CCL13: variants seen among roughly 807,000 people sequenced by gnomAD.
The protein encoded by CCL13 is C-C motif chemokine 13.
In CCL13, 5 loss-of-function variants were observed where a neutral mutation model predicts 6.6. The observed-to-expected ratio is 0.76, with a 90% confidence interval of 0.40 to 1.60. CCL13 has a LOEUF of 1.60. CCL13 is among the 40% of genes most tolerant of loss of function. The pLI, the probability that CCL13 is intolerant of heterozygous loss-of-function variation, is 0.02. For missense variants in CCL13, 117 were observed against 114.2 expected, an observed-to-expected ratio of 1.02 and a Z score of -0.11; for synonymous variants, 39 against 43.0, an observed-to-expected ratio of 0.91 and a Z score of 0.37.
intron 1 of CCL13, among the ~76,000 whole-genome samples, chr17:34,357,238 C>T (rs1910371731): frequency 6.6e-6 from 1 of 152,120 alleles, no homozygotes; most frequent in Non-Finnish European, 1.5e-5. Flanking sequence ...TTGCCCGTGG[C>T]CTCCCCTAGA....
rs1597613692 is a variant in CCL13, at chr17:34,358,255, T to C, written c.*124T>C. 1 of 703,424 alleles carries C rather than the reference T, an allele frequency of 1.4e-6. No individual in the cohort carries two copies. The highest frequency in any genetic ancestry group is 2.7e-5 in the East Asian group (1 of 37,324). 43.6% of individuals were successfully genotyped at this position (703,424 alleles called of 1,614,324 possible). On this transcript the variant is annotated 3_prime_UTR_variant, in exon 3 of 3. Transcript: ENST00000225844. ...ATTTTCAAATAGGATGCATTCGGTT[T>C]TGTGATTCAAAATGTACTATGTGTT...
At chr17:34,357,070 G>A (rs929148797) in intron 1 of CCL13, among the ~76,000 whole-genome samples, 4 of 152,200 alleles carry the variant, frequency 2.6e-5, no homozygotes, top group African/African-American at 9.7e-5. Context: ...GCCCATGTTG[G>A]AGGCAGAAGG....
chr17:34,357,411 C>A (rs933351808), intron 1 of CCL13, 64 bp from the exon 2 acceptor site: 4 of 1,048,598 alleles, frequency 3.8e-6, no homozygotes, highest in Non-Finnish European at 5.9e-6. Flanking sequence ...ATGCTCCCTG[C>A]TGTATTCAAG....
In CCL13 at chr17:34,358,268, T is replaced by G; in HGVS notation, c.*137T>G. On this transcript the variant is annotated 3_prime_UTR_variant, in exon 3 of 3. Coordinates refer to ENST00000225844, the MANE Select transcript of CCL13 (RefSeq NM_005408.3). ...ATGCATTCGGTTTTGTGATTCAAAA[T>G]GTACTATGTGTTAAGTAATATTGGC... is the stretch of plus-strand genomic sequence containing the variant. The G allele has an allele frequency of 1.5e-6, 1 of 678,106 alleles. No individual in the cohort carries two copies. The highest frequency in any genetic ancestry group is 2.6e-6 in the Non-Finnish European group (1 of 384,210). 42.0% of individuals were successfully genotyped at this position (678,106 alleles called of 1,614,324 possible). A position where few individuals can be genotyped will look rare whatever the true frequency, so the allele number is the denominator to read the frequency against.
At chr17:34,357,638 C>A in intron 2 of CCL13, 49 bp downstream of exon 2, 1 of 1,121,618 alleles carries the variant, frequency 8.9e-7, no homozygotes, top group Non-Finnish European at 1.4e-6. Context: ...CTCCCACATT[C>A]CCCAATCCAA....
intron 1 of CCL13, 68 bp from the exon 2 acceptor site, chr17:34,357,407 C>A: frequency 9.9e-7 from 1 of 1,013,124 alleles, no homozygotes; most frequent in Non-Finnish European, 1.6e-6. Flanking sequence ...ACAGATGCTC[C>A]CTGCTGTATT....
intron 1 of CCL13, 26 bp from the exon 2 acceptor site, chr17:34,357,449 G>T: frequency 6.7e-7 from 1 of 1,496,478 alleles, no homozygotes; most frequent in East Asian, 2.3e-5. Flanking sequence ...CATCCTCAAA[G>T]TCTTTTTCTT....
chr17:34,357,333 G>T (rs1910374011), intron 1 of CCL13, 142 bp from the exon 2 acceptor site: 2 of 598,002 alleles, frequency 3.3e-6, no homozygotes, highest in African/African-American at 1.8e-5. Flanking sequence ...TCAGGGTCTA[G>T]GGTGGGAGTG....
rs73988388 is a variant in CCL13, at chr17:34,357,402, T to G, written c.77-73T>G. 1,299 of 962,916 alleles carry G rather than the reference T, an allele frequency of 1.3e-3. 14 individuals are homozygous for G. In the African/African-American group the frequency reaches 0.019, roughly 14 times the overall value. The allele number at this position is 962,916 out of a possible 1,614,324, so 59.6% of individuals were successfully genotyped here. On this transcript the variant is annotated intron_variant, in intron 1 of 2. Coordinates refer to ENST00000225844, the MANE Select transcript of CCL13 (RefSeq NM_005408.3). ...CTCTTTGCTTTGCATCCCATACAGA[T>G]GCTCCCTGCTGTATTCAAGCTGAGA...
At chr17:34,356,919 C>T (rs896408138) in intron 1 of CCL13, among the ~76,000 whole-genome samples, 29 of 152,324 alleles carry the variant, frequency 1.9e-4, no homozygotes, top group African/African-American at 6.0e-4. Context: ...AAGTGATCCT[C>T]CCGTCTCGGC....
In CCL13 at chr17:34,358,359, C is replaced by T. The variant is rs1030854868; in HGVS notation, c.*228C>T. On this transcript the variant is annotated 3_prime_UTR_variant, in exon 3 of 3. Transcript: ENST00000225844. ...TTGCTGATCTTTTCTAAAGCAAGGC[C>T]TTGAGCAAGTAGGTTGCTGTCTCTA... 3 of 502,794 alleles carry T rather than the reference C, an allele frequency of 6.0e-6. No homozygotes were observed. Among genetic ancestry groups the T allele is most frequent in the African/African-American group, 5.9e-5 (3 of 50,948 alleles). The allele number at this position is 502,794 out of a possible 1,614,324, so 31.1% of individuals were successfully genotyped here.
At position 34,358,166 on chromosome 17, in the gene CCL13, C is replaced by T. The variant is rs751463485; in HGVS notation, c.*35C>T. 2.2e-5 allele frequency: 31 copies of T among 1,431,648 alleles called. No individual in the cohort carries two copies. Among genetic ancestry groups the T allele is most frequent in the East Asian group, 4.5e-5 (2 of 44,060 alleles). 88.7% of individuals were successfully genotyped at this position (1,431,648 alleles called of 1,614,324 possible). ...CCCCTACTGAAATCAAGCTGGAGTA[C>T]GTGAAATGACTTTTCCATTCTCCTC... On this transcript the variant is annotated 3_prime_UTR_variant, in exon 3 of 3. Coordinates refer to ENST00000225844, the MANE Select transcript of CCL13 (RefSeq NM_005408.3).
rs1357615517 is a variant in CCL13, at chr17:34,358,173, T to G, written c.*42T>G. On this transcript the variant is annotated 3_prime_UTR_variant, in exon 3 of 3. Transcript: ENST00000225844. ...TGAAATCAAGCTGGAGTACGTGAAA[T>G]GACTTTTCCATTCTCCTCTGGCCTC... 7.2e-7 allele frequency: 1 copy of G among 1,394,112 alleles called. No individual in the cohort carries two copies. The highest frequency in any genetic ancestry group is 1.2e-5 in the South Asian group (1 of 86,034). The allele number at this position is 1,394,112 out of a possible 1,614,324, so 86.4% of individuals were successfully genotyped here. A position where few individuals can be genotyped will look rare whatever the true frequency, so the allele number is the denominator to read the frequency against.
rs756986624 is a variant in CCL13, at chr17:34,357,523, A to C, written c.125A>C (p.Lys42Thr). ...STCCFTFSSK[K>T]ISLQRLKSYV... ...TGCTGCTTCACATTTAGCAGTAAGA[A>C]GATCTCCTTGCAGAGGCTGAAGAGC... Residue 42 changes from lysine (K) to threonine (T), a missense_variant, in exon 2 of 3, where the codon AAG (lysine) becomes ACG (threonine). Lys to Thr is a moderately conservative substitution (Grantham distance 78). Coordinates refer to ENST00000225844, the MANE Select transcript of CCL13 (RefSeq NM_005408.3). 1.9e-6 allele frequency: 3 copies of C among 1,613,640 alleles called. No homozygotes were observed. Among genetic ancestry groups the C allele is most frequent in the Non-Finnish European group, 2.5e-6 (3 of 1,179,560 alleles).
At chr17:34,357,039 T>C (rs189974231) in intron 1 of CCL13, among the ~76,000 whole-genome samples, 119 of 152,302 alleles carry the variant, frequency 7.8e-4, no homozygotes, top group Non-Finnish European at 1.5e-3. Flanking sequence ...TAACATCTAA[T>C]TTTAAAGATA....
intron 2 of CCL13, 61 bp downstream of exon 2, chr17:34,357,650 G>C (rs1041193589): frequency 9.9e-7 from 1 of 1,010,898 alleles, no homozygotes; most frequent in East Asian, 2.4e-5. Flanking sequence ...CCAATCCAAA[G>C]TTCTGCCCCA....
Position 34,358,473 on chromosome 17 carries a change from A to G in CCL13, c.*342A>G, listed in dbSNP as rs1228811634. 2.5e-5 allele frequency: 8 copies of G among 322,570 alleles called. No homozygotes were observed. The highest frequency in any genetic ancestry group is 2.1e-4 in the South Asian group (7 of 33,414). The allele number at this position is 322,570 out of a possible 1,614,324, so 20.0% of individuals were successfully genotyped here. A position where few individuals can be genotyped will look rare whatever the true frequency, so the allele number is the denominator to read the frequency against. On this transcript the variant is annotated 3_prime_UTR_variant, in exon 3 of 3. Coordinates refer to ENST00000225844, the MANE Select transcript of CCL13 (RefSeq NM_005408.3). Reference sequence around the variant, plus strand: ...GAGCATGCCTGTGGGAGTCATGGACATGAAGGGATGCTGCAATGTAGGAAG... The same window carrying G: ...GAGCATGCCTGTGGGAGTCATGGACGTGAAGGGATGCTGCAATGTAGGAAG...
intron 1 of CCL13, among the ~76,000 whole-genome samples, chr17:34,357,085 C>A (rs1191651626): frequency 1.3e-5 from 2 of 152,186 alleles, no homozygotes; most frequent in African/African-American, 4.8e-5. Context: ...AGAAGGGACC[C>A]TAGCCATCCA....
At chr17:34,357,355 G>A in intron 1 of CCL13, 120 bp from the exon 2 acceptor site, 2 of 665,742 alleles carry the variant, frequency 3.0e-6, no homozygotes, top group Admixed American at 2.4e-5. Context: ...TGGGCTTGGG[G>A]GTGAGTAAGA....
Sources: gnomAD v4.1 joint callset for allele counts (sites outside exome capture counted in the v4.1 genomes callset) on GRCh38, gnomAD v4.1.1 for gene constraint, MANE v1.5 for transcripts, NCBI Gene and HGNC (gene_info 2026-07-23, HGNC 2026-07-21) for gene names.